SYT2: variants seen among roughly 807,000 people sequenced by gnomAD.
SYT2 encodes the protein synaptotagmin 2.
A neutral mutation model predicts 39.9 loss-of-function variants in SYT2; 15 were observed. The observed-to-expected ratio is 0.38, with a 90% CI of 0.25 to 0.58. SYT2 has a LOEUF of 0.58. Among genes scored for constraint, SYT2 ranks in the 20% least tolerant of loss-of-function variants. The pLI is 0.70. For synonymous variants in SYT2, 181 were observed against 204.5 expected, an observed-to-expected ratio of 0.89 and a Z score of 0.98; for missense variants, 389 against 530.3, an observed-to-expected ratio of 0.73 and a Z score of 2.62.
At chr1:202,644,481 C>A (rs1251348557) in intron 1 of SYT2, among the ~76,000 whole-genome samples, 5 of 152,134 alleles carry the variant, frequency 3.3e-5, no homozygotes, top group African/African-American at 7.2e-5. Context: ...CCCGATAAGA[C>A]CTCGGGGCCA....
rs1005500901 is a variant in SYT2 at position 202,687,574 on chromosome 1, C to T, written c.-18+22684G>A. Among the ~76,000 whole-genome samples the T allele has an allele frequency of 2.6e-4, 39 of 150,972 alleles. 1 individual carries two copies. Among genetic ancestry groups the T allele is most frequent in the African/African-American group, 8.8e-4 (36 of 41,066 alleles). ...GGAAGAGGGCCTCCCCTTGACCAGA[C>T]GCCAGGGAGAAAGAGCCTTATACAG... On this transcript the variant is annotated intron_variant, in intron 1 of 8. Transcript: ENST00000367268.
At chr1:202,643,048 C>A (rs1234529029) in intron 1 of SYT2, among the ~76,000 whole-genome samples, 1 of 152,238 alleles carries the variant, frequency 6.6e-6, no homozygotes, top group Non-Finnish European at 1.5e-5. Flanking sequence ...CAGGTAATTC[C>A]GACGCCCATG....
Position 202,596,849 on chromosome 1 carries a change from C to CG in SYT2, c.1167dup (p.Asp390ArgfsTer19). On this transcript the variant is annotated frameshift_variant, in exon 9 of 9. Coordinates refer to ENST00000367268, the MANE Select transcript of SYT2 (RefSeq NM_177402.5). LOFTEE classifies it high-confidence loss of function. ...GGCCTCCGGGGGTTGGCCAGCATGTCGGACCAGTGCCGCAGCTCTGTGCCC... is the reference window on the plus strand; with the variant it reads ...GGCCTCCGGGGGTTGGCCAGCATGTCGGGACCAGTGCCGCAGCTCTGTGCCC... 1 of 1,614,192 alleles carries CG rather than the reference C, an allele frequency of 6.2e-7. No individual in the cohort carries two copies. Among genetic ancestry groups the CG allele is most frequent in the Non-Finnish European group, 8.5e-7 (1 of 1,180,038 alleles).
intron 1 of SYT2, among the ~76,000 whole-genome samples, chr1:202,640,196 G>A (rs1055325071): frequency 6.6e-6 from 1 of 152,134 alleles, no homozygotes; most frequent in African/African-American, 2.4e-5. Flanking sequence ...GGAATCACGG[G>A]GCAGTGAACA....
At chr1:202,607,634 A>T (rs1216265142) in intron 1 of SYT2, among the ~76,000 whole-genome samples, 1 of 152,120 alleles carries the variant, frequency 6.6e-6, no homozygotes, top group Admixed American at 6.6e-5. Flanking sequence ...CATTGATGCA[A>T]TGTAGGTTCA....
At chr1:202,638,455 T>G (rs772118476) in intron 1 of SYT2, among the ~76,000 whole-genome samples, 4 of 152,260 alleles carry the variant, frequency 2.6e-5, no homozygotes, top group African/African-American at 4.8e-5. Flanking sequence ...AGGCTCTGCC[T>G]GAGAGACCCG....
chr1:202,600,605 ATG>A (rs1690465756), intron 6 of SYT2, 131 bp from the exon 7 acceptor site: 2 of 742,490 alleles, frequency 2.7e-6, no homozygotes, highest in Admixed American at 4.3e-5. Flanking sequence ...GTCCCCATAT[ATG>A]TGATGGCCGA....
intron 1 of SYT2, among the ~76,000 whole-genome samples, chr1:202,688,558 C>T (rs1290537927): frequency 7.2e-5 from 11 of 152,230 alleles, no homozygotes; most frequent in Non-Finnish European, 1.0e-4. Flanking sequence ...TGGCTCTAAA[C>T]CCAAAATCCT....
chr1:202,632,437 C>T, intron 1 of SYT2: 2 of 506,892 alleles, frequency 3.9e-6, no homozygotes, highest in Non-Finnish European at 5.1e-6. Context: ...ACACTACAGG[C>T]AAGAACAGCA....
At chr1:202,652,175 G>A (rs1048094378) in intron 1 of SYT2, among the ~76,000 whole-genome samples, 1 of 152,222 alleles carries the variant, frequency 6.6e-6, no homozygotes, top group Non-Finnish European at 1.5e-5. Flanking sequence ...GAAGGGGCCC[G>A]AGGAGCCGTG....
At chr1:202,630,615 T>C (rs7517270) in intron 1 of SYT2, among the ~76,000 whole-genome samples, 40,376 of 151,974 alleles carry the variant, frequency 0.27, 6,776 homozygotes, top group East Asian at 0.54. Context: ...CCCTGGAAAG[T>C]GCAGTGATGA....
chr1:202,627,487 G>A (rs1311663551), intron 1 of SYT2: 14 of 985,244 alleles, frequency 1.4e-5, no homozygotes, highest in Non-Finnish European at 1.7e-5. Context: ...TGACACCCAG[G>A]GCCTGAGTGG....
chr1:202,673,472 A>C (rs1234962024), intron 1 of SYT2, among the ~76,000 whole-genome samples: 1 of 152,236 alleles, frequency 6.6e-6, no homozygotes, highest in East Asian at 1.9e-4. Flanking sequence ...AAAAGTTTGG[A>C]GTGAGTTTTG....
intron 1 of SYT2, among the ~76,000 whole-genome samples, chr1:202,679,457 C>T (rs527637692): frequency 3.4e-4 from 52 of 152,350 alleles, no homozygotes; most frequent in African/African-American, 1.2e-3. Context: ...CCATCATTGA[C>T]TCAGTTGTCT....
rs140597390 is a variant in SYT2, at chr1:202,707,165, G to A, written c.-18+3093C>T. 2.3e-3 allele frequency among the ~76,000 whole-genome samples: 344 copies of A among 152,328 alleles called. 1 individual carries two copies. Among genetic ancestry groups the A allele is most frequent in the African/African-American group, 7.9e-3 (328 of 41,558 alleles). ...ATAGTGGAACGAATGCAGAAGGGAT[G>A]CTGAGTGGCTCAGTAACATGTGTAG... On this transcript the variant is annotated intron_variant, in intron 1 of 8. Coordinates refer to ENST00000367268, the MANE Select transcript of SYT2 (RefSeq NM_177402.5).
Position 202,701,637 on chromosome 1 carries a change from T to C in SYT2, c.-18+8621A>G, listed in dbSNP as rs12568052. Among the ~76,000 whole-genome samples the C allele has an allele frequency of 5.6e-3, 857 of 152,328 alleles. 59 individuals are homozygous for C. The East Asian group carries it at 0.15, about 26-fold the overall frequency. On this transcript the variant is annotated intron_variant, in intron 1 of 8. Coordinates refer to ENST00000367268, the MANE Select transcript of SYT2 (RefSeq NM_177402.5). The stretch of plus-strand genomic sequence containing the variant: ...GTGCAGTGTGATACTATTACCTTGA[T>C]TCATGGTAAGGTGCCAGCAGCTTCA...
intron 1 of SYT2, among the ~76,000 whole-genome samples, chr1:202,697,392 C>A (rs1343833219): frequency 6.6e-6 from 1 of 152,376 alleles, no homozygotes; most frequent in African/African-American, 2.4e-5. Flanking sequence ...GAGGGAGGCA[C>A]CTCTGCCCAT....
chr1:202,600,230 C>G (rs1157596674), intron 7 of SYT2, 127 bp downstream of exon 7: 4 of 782,916 alleles, frequency 5.1e-6, no homozygotes, highest in South Asian at 4.9e-5. Context: ...CTCCCCCGCT[C>G]CTCGAGGAGA....
chr1:202,663,132 A>C (rs1415952071), intron 1 of SYT2, among the ~76,000 whole-genome samples: 2 of 152,214 alleles, frequency 1.3e-5, no homozygotes, highest in African/African-American at 4.8e-5. Flanking sequence ...GTATCAGCCC[A>C]ACACAGGGGA....
Sources: allele counts gnomAD v4.1 joint callset (sites outside exome capture counted in the v4.1 genomes callset), GRCh38; gene constraint gnomAD v4.1.1; transcripts MANE v1.5; gene names NCBI Gene and HGNC (gene_info 2026-07-23, HGNC 2026-07-21).